Variants in MACROD2 observed in about 807,000 individuals in gnomAD.
The protein encoded by MACROD2 is mono-ADP ribosylhydrolase 2.
MACROD2 carries 36 observed loss-of-function variants against 70.4 expected under a neutral mutation model. That is an observed-to-expected ratio of 0.51 (90% confidence interval 0.39 to 0.68). MACROD2 has a LOEUF of 0.68. Ranked by LOEUF, MACROD2 falls within the 30% of genes least tolerant of loss-of-function variation. The pLI, the probability that MACROD2 is intolerant of heterozygous loss-of-function variation, is 0.00. For synonymous variants in MACROD2, 172 were observed against 178.8 expected (o/e 0.96, Z 0.30); for missense variants, 496 against 538.4 (o/e 0.92, Z 0.78).
At chr20:14,207,928 A>G (rs76728761) in intron 3 of MACROD2, among the ~76,000 whole-genome samples, 3,555 of 152,342 alleles carry the variant, frequency 0.023, 41 homozygotes, top group African/African-American at 0.029. Context: ...CAGCCAAGGT[A>G]GAAATACAGC....
At chr20:14,649,501 T>C (rs540131848) in intron 4 of MACROD2, among the ~76,000 whole-genome samples, 2 of 152,210 alleles carry the variant, frequency 1.3e-5, no homozygotes, top group Admixed American at 6.5e-5. Flanking sequence ...AAGATCCAGC[T>C]CCCGAAGAGG....
chr20:14,197,965 CA>C (rs998060050), intron 3 of MACROD2, among the ~76,000 whole-genome samples: 3 of 151,656 alleles, frequency 2.0e-5, no homozygotes, highest in South Asian at 2.1e-4. Flanking sequence ...CATTACATTA[CA>C]AAAAAAAGGT....
At chr20:14,241,040 C>T (rs762002875) in intron 3 of MACROD2, among the ~76,000 whole-genome samples, 12 of 151,992 alleles carry the variant, frequency 7.9e-5, no homozygotes, top group Non-Finnish European at 1.2e-4. Context: ...CACCTGAACC[C>T]GGGAGGCGGA....
At chr20:14,161,430 G>T (rs191903864) in intron 3 of MACROD2, among the ~76,000 whole-genome samples, 1 of 150,764 alleles carries the variant, frequency 6.6e-6, no homozygotes, top group African/African-American at 2.4e-5. Context: ...CTCATGATCC[G>T]CCCACCCCGT....
At chr20:15,971,598 A>G (rs549338032) in intron 13 of MACROD2, among the ~76,000 whole-genome samples, 1 of 152,276 alleles carries the variant, frequency 6.6e-6, no homozygotes, top group South Asian at 2.1e-4. Context: ...AAATAGACTA[A>G]TACATTCTCT....
intron 8 of MACROD2, among the ~76,000 whole-genome samples, chr20:15,591,906 C>A (rs1731831342): frequency 6.6e-6 from 1 of 152,104 alleles, no homozygotes; most frequent in Non-Finnish European, 1.5e-5. Flanking sequence ...GATTTGGGTG[C>A]AACATGCTCA....
chr20:14,221,780 CAAT>C (rs2081676480), intron 3 of MACROD2, among the ~76,000 whole-genome samples: 1 of 151,990 alleles, frequency 6.6e-6, no homozygotes, highest in South Asian at 2.1e-4. Flanking sequence ...GTCAACTTAA[CAAT>C]AACAAAAACT....
chr20:15,313,643 T>C (rs2077777864), intron 6 of MACROD2, among the ~76,000 whole-genome samples: 1 of 152,162 alleles, frequency 6.6e-6, no homozygotes, highest in Non-Finnish European at 1.5e-5. Context: ...TTCTTCTCAT[T>C]TCTCTTAATG....
chr20:14,822,604 A>G (rs1301257121), intron 5 of MACROD2, among the ~76,000 whole-genome samples: 1 of 152,102 alleles, frequency 6.6e-6, no homozygotes, highest in Non-Finnish European at 1.5e-5. Context: ...TTTAACTTTC[A>G]TTTAAGTGAG....
intron 6 of MACROD2, among the ~76,000 whole-genome samples, chr20:15,363,865 G>C (rs1328274384): frequency 6.6e-6 from 1 of 152,106 alleles, no homozygotes; most frequent in South Asian, 2.1e-4. Context: ...ATGAATCTGT[G>C]GGGGGCTAGC....
intron 5 of MACROD2, among the ~76,000 whole-genome samples, chr20:15,002,042 T>C (rs2122900941): frequency 6.6e-6 from 1 of 152,294 alleles, no homozygotes; most frequent in Admixed American, 6.5e-5. Flanking sequence ...GGTTTCATAT[T>C]TTTGCAATTG....
Position 16,044,655 on chromosome 20 carries a change from T to TGAG in MACROD2, c.1300+17_1300+18insAGG, listed in dbSNP as rs1387923177. The TGAG allele has an allele frequency of 5.0e-6, 8 of 1,604,886 alleles. No homozygotes were observed. The highest frequency in any genetic ancestry group is 1.3e-5 in the African/African-American group (1 of 74,656). ...CAACTAATAGGTAAGATGCCCCTTG[T>TGAG]GGTGAGATTTTCAATGATCAACCAG... On this transcript the variant is annotated intron_variant, in intron 17 of 17. Coordinates refer to ENST00000684519, the MANE Select transcript of MACROD2 (RefSeq NM_001351661.2).
intron 3 of MACROD2, among the ~76,000 whole-genome samples, chr20:14,227,986 T>G (rs2081758632): frequency 6.6e-6 from 1 of 152,138 alleles, no homozygotes; most frequent in South Asian, 2.1e-4. Context: ...AATTTTAGGT[T>G]TACAGTACAA....
chr20:15,992,927 T>C (rs2066577523), intron 15 of MACROD2, among the ~76,000 whole-genome samples: 1 of 152,224 alleles, frequency 6.6e-6, no homozygotes, highest in Non-Finnish European at 1.5e-5. Flanking sequence ...TGAATTTTTT[T>C]CACAACTAAT....
intron 4 of MACROD2, among the ~76,000 whole-genome samples, chr20:14,667,972 AC>A (rs1025775000): frequency 3.9e-5 from 6 of 152,156 alleles, no homozygotes; most frequent in African/African-American, 1.4e-4. Context: ...ACATGGCAAG[AC>A]CCTGTATCTA....
intron 8 of MACROD2, among the ~76,000 whole-genome samples, chr20:15,504,532 A>G (rs1197556763): frequency 6.6e-6 from 1 of 152,212 alleles, no homozygotes; most frequent in Non-Finnish European, 1.5e-5. Context: ...GATCAGATAG[A>G]TGAATTATCT....
At chr20:15,058,337 ATTCT>A (rs1171275194) in intron 5 of MACROD2, among the ~76,000 whole-genome samples, 2 of 152,040 alleles carry the variant, frequency 1.3e-5, no homozygotes, top group Non-Finnish European at 2.9e-5. Context: ...GTCCCTTGCA[ATTCT>A]TTTGACCTGG....
intron 8 of MACROD2, among the ~76,000 whole-genome samples, chr20:15,655,474 G>T (rs990500227): frequency 3.9e-5 from 6 of 152,044 alleles, no homozygotes; most frequent in Non-Finnish European, 5.9e-5. Context: ...TTGGGGTTTA[G>T]GTGTGGGGAG....
Position 15,844,629 on chromosome 20 carries a change from GTCTTA to G in MACROD2, c.646-18111_646-18107del, listed in dbSNP as rs540706168. 6.6e-4 allele frequency among the ~76,000 whole-genome samples: 100 copies of G among 152,180 alleles called. 1 individual carries two copies. The highest frequency in any genetic ancestry group is 2.3e-3 in the African/African-American group (97 of 41,536). On this transcript the variant is annotated intron_variant, in intron 8 of 17. Coordinates refer to ENST00000684519, the MANE Select transcript of MACROD2 (RefSeq NM_001351661.2). ...CCTAGTGTTGTACTATTTATGAAGG[GTCTTA>G]TCTTTTCTGTCCAGGAAAGTCTCCT...
Sources: gnomAD v4.1 joint callset for allele counts (sites outside exome capture counted in the v4.1 genomes callset) on GRCh38, gnomAD v4.1.1 for gene constraint, MANE v1.5 for transcripts, NCBI Gene and HGNC (gene_info 2026-07-23, HGNC 2026-07-21) for gene names.